OSBPL6: variants seen among roughly 807,000 people sequenced by gnomAD.
The protein encoded by OSBPL6 is oxysterol binding protein like 6, also known as oxysterol-binding protein-related protein 6.
In OSBPL6, 49 loss-of-function variants were observed where a neutral mutation model predicts 125.8. That is an observed-to-expected ratio of 0.39 (90% CI 0.31 to 0.49). The LOEUF (loss-of-function observed/expected upper bound fraction) is 0.49, where lower values mean the gene tolerates loss of function less well. Among genes scored for constraint, OSBPL6 ranks in the 20% least tolerant of loss-of-function variants. The pLI is 0.88. For missense variants in OSBPL6, 986 were observed against 1,135.4 expected (o/e 0.87, Z 1.89); for synonymous variants, 394 against 391.8 (o/e 1.01, Z -0.07).
chr2:178,211,486 C>A (rs1482003489), intron 1 of OSBPL6, among the ~76,000 whole-genome samples: 1 of 152,124 alleles, frequency 6.6e-6, no homozygotes, highest in East Asian at 1.9e-4. Flanking sequence ...TTGTCCCAGC[C>A]CCAGGACCTC....
intron 1 of OSBPL6, among the ~76,000 whole-genome samples, chr2:178,210,156 A>G (rs1408328229): frequency 7.1e-6 from 1 of 140,242 alleles, no homozygotes; most frequent in African/African-American, 2.5e-5. Flanking sequence ...AGTAGCTGGG[A>G]TTACAGGTGC....
chr2:178,194,246 G>A (rs1280283374), upstream of OSBPL6, among the ~76,000 whole-genome samples: 1 of 152,190 alleles, frequency 6.6e-6, no homozygotes, highest in Admixed American at 6.5e-5. Flanking sequence ...CGGGCCAGGG[G>A]AGAGCCCTGG....
At chr2:178,199,265 G>A (rs560138807) in intron 1 of OSBPL6, among the ~76,000 whole-genome samples, 2 of 152,172 alleles carry the variant, frequency 1.3e-5, no homozygotes, top group African/African-American at 4.8e-5. Context: ...TTTAAATTTT[G>A]ATTATACTGT....
chr2:178,397,742 C>T lies in OSBPL6; in HGVS notation c.*2183C>T, dbSNP rs552957034. 6.6e-6 allele frequency: 1 copy of T among 152,246 alleles called. No individual in the cohort carries two copies. The highest frequency in any genetic ancestry group is 1.9e-4 in the East Asian group (1 of 5,178). 9.4% of individuals were successfully genotyped at this position (152,246 alleles called of 1,614,324 possible). ...AGCTGGAAGAGGATCCAGGACCCAT[C>T]AGGGAAGCAACGACTGTACTTAGCA... is the stretch of plus-strand genomic sequence containing the variant. On this transcript the variant is annotated 3_prime_UTR_variant, in exon 25 of 25. Transcript: ENST00000190611.
intron 3 of OSBPL6, among the ~76,000 whole-genome samples, chr2:178,313,748 C>G (rs1231221293): frequency 6.6e-6 from 1 of 152,136 alleles, no homozygotes; most frequent in Non-Finnish European, 1.5e-5. Flanking sequence ...GTATTATCAA[C>G]AGCAATGCAT....
At chr2:178,241,726 T>A (rs1185265112) in intron 1 of OSBPL6, among the ~76,000 whole-genome samples, 1 of 152,226 alleles carries the variant, frequency 6.6e-6, no homozygotes, top group African/African-American at 2.4e-5. Flanking sequence ...TGAGGCTTTT[T>A]AAAAGACATC....
At chr2:178,329,980 A>T (rs1689055303) in intron 5 of OSBPL6, among the ~76,000 whole-genome samples, 1 of 152,190 alleles carries the variant, frequency 6.6e-6, no homozygotes, top group Non-Finnish European at 1.5e-5. Context: ...CCTGTCTCTG[A>T]AAGTGCCTTC....
At chr2:178,243,490 G>A (rs928961431) in intron 1 of OSBPL6, among the ~76,000 whole-genome samples, 2 of 152,098 alleles carry the variant, frequency 1.3e-5, no homozygotes, top group Admixed American at 6.5e-5. Flanking sequence ...CAGAAACCCA[G>A]GGTCACCTTT....
chr2:178,249,492 TATCTCTG>T (rs1266217404), intron 1 of OSBPL6, among the ~76,000 whole-genome samples: 1 of 152,210 alleles, frequency 6.6e-6, no homozygotes, highest in Non-Finnish European at 1.5e-5. Context: ...ACTTTGTATA[TATCTCTG>T]ATATGTAAGG....
At chr2:178,331,491 T>TACATAAAACA in intron 5 of OSBPL6, 61 bp from the exon 6 acceptor site, 1 of 1,543,614 alleles carries the variant, frequency 6.5e-7, no homozygotes, top group Non-Finnish European at 9.0e-7. Flanking sequence ...AGACCCACAT[T>TACATAAAACA]TGTGAATGTT....
At chr2:178,206,567 G>T (rs2089540920) in intron 1 of OSBPL6, among the ~76,000 whole-genome samples, 1 of 152,136 alleles carries the variant, frequency 6.6e-6, no homozygotes. Flanking sequence ...AAAGGCTTTA[G>T]TAAGCTCTTT....
In OSBPL6 at chr2:178,392,507, C is replaced by G. The variant is rs1286134748; in HGVS notation, c.2542C>G (p.Pro848Ala). Reference protein sequence around the residue: ...LDPVLKDLLPPTDARFRPDQR... With the variant: ...LDPVLKDLLPATDARFRPDQR... ...TCCAGTACTAAAAGATCTCCTTCCA[C>G]CAACAGACGCCCGGTTCCGGCCAGA... Residue 848 changes from proline to alanine, a missense_variant, in exon 23 of 25, where the codon CCA becomes GCA. Pro to Ala is a conservative substitution (Grantham distance 27). Around this residue, in one of 3 missense-constraint regions of OSBPL6, gnomAD observed 843 missense variants for 997.3 expected, o/e 0.85. Coordinates refer to ENST00000190611, the MANE Select transcript of OSBPL6 (RefSeq NM_032523.4). 2.5e-6 allele frequency: 4 copies of G among 1,614,050 alleles called. No homozygotes were observed. The South Asian group carries it at 4.4e-5, about 18-fold the overall frequency.
intron 14 of OSBPL6, among the ~76,000 whole-genome samples, 189 bp from the exon 15 acceptor site, chr2:178,373,701 C>T (rs1324561704): frequency 6.6e-6 from 1 of 152,172 alleles, no homozygotes; most frequent in Non-Finnish European, 1.5e-5. Flanking sequence ...TCAACTATTC[C>T]TTTTGGGGTC....
chr2:178,245,314 T>C (rs1416630967), intron 1 of OSBPL6, among the ~76,000 whole-genome samples: 1 of 152,212 alleles, frequency 6.6e-6, no homozygotes, highest in Non-Finnish European at 1.5e-5. Flanking sequence ...TTTTCATAAT[T>C]GCACTTCTGC....
chr2:178,221,618 T>C (rs1416066382), intron 1 of OSBPL6, among the ~76,000 whole-genome samples: 1 of 152,254 alleles, frequency 6.6e-6, no homozygotes, highest in Non-Finnish European at 1.5e-5. Flanking sequence ...GTGATTTAGC[T>C]GATCATCAGT....
chr2:178,390,966 G>A, intron 21 of OSBPL6, 107 bp from the exon 22 acceptor site: 1 of 1,387,250 alleles, frequency 7.2e-7, no homozygotes, highest in Non-Finnish European at 9.9e-7. Flanking sequence ...TTCTGAAAAT[G>A]GTTTGAATAA....
At chr2:178,230,311 G>A (rs2090763396) in intron 1 of OSBPL6, 1 of 152,154 alleles carries the variant, frequency 6.6e-6, no homozygotes, top group Non-Finnish European at 1.5e-5. Context: ...TTCTGTTCCT[G>A]ACAGGAAAAA....
intron 1 of OSBPL6, among the ~76,000 whole-genome samples, chr2:178,237,976 C>T (rs928010508): frequency 2.0e-5 from 3 of 152,176 alleles, no homozygotes; most frequent in African/African-American, 7.2e-5. Context: ...CTGGAAAATG[C>T]TCTGAGAGGT....
chr2:178,383,222 A>C lies in OSBPL6; in HGVS notation c.1820A>C (p.Glu607Ala). The C allele has an allele frequency of 6.2e-7, 1 of 1,614,234 alleles. No individual in the cohort carries two copies. Reference protein sequence around the residue: ...NTLQHLCEEMEYSELLDKASE... With the variant: ...NTLQHLCEEMAYSELLDKASE... ...CTGCAGCACCTCTGTGAGGAAATGG[A>C]ATACAGCGAGCTCCTGGACAAGGCT... Residue 607 changes from glutamate (E) to alanine (A), a missense_variant, in exon 17 of 25, where the codon GAA becomes GCA. Glu to Ala is a moderately radical substitution (Grantham distance 107). Around this residue, in one of 3 missense-constraint regions of OSBPL6, gnomAD observed 843 missense variants for 997.3 expected, o/e 0.85. Coordinates refer to ENST00000190611, the MANE Select transcript of OSBPL6 (RefSeq NM_032523.4).
Sources: allele counts gnomAD v4.1 joint callset (sites outside exome capture counted in the v4.1 genomes callset), GRCh38; gene constraint gnomAD v4.1.1; regional missense constraint gnomAD v4.1.1; transcripts MANE v1.5; gene names NCBI Gene and HGNC (gene_info 2026-07-23, HGNC 2026-07-21).